The following ABCG2 variants were observed in gnomAD, a reference collection of about 807,000 sequenced individuals.
ABCG2 encodes broad substrate specificity ATP-binding cassette transporter ABCG2.
In ABCG2, 80 loss-of-function variants were observed where a neutral mutation model predicts 73.5. That is an observed-to-expected ratio of 1.09 (90% confidence interval 0.91 to 1.31). The LOEUF is 1.31. ABCG2 is among the 50% of genes most tolerant of loss of function. The probability of loss-of-function intolerance (pLI) is 0.00; values close to 1 mark genes in which losing one functional copy is unlikely to be tolerated. For synonymous variants in ABCG2, 269 were observed against 282.4 expected (o/e 0.95, Z 0.48); for missense variants, 796 against 786.2 (o/e 1.01, Z -0.15).
rs529847433 is a variant in ABCG2 at position 88,187,387 on chromosome 4, C to T, written c.-20+43607G>A. 1.4e-4 allele frequency among the ~76,000 whole-genome samples: 21 copies of T among 151,968 alleles called. No individual in the cohort carries two copies. The East Asian group carries it at 2.1e-3, about 15-fold the overall frequency. Reference sequence around the variant, plus strand: ...CAGCACTTTGGGAGGCCGAGGTGGGCGGATCTCTTGAGGTCAGGAGTTCAA... The same window carrying T: ...CAGCACTTTGGGAGGCCGAGGTGGGTGGATCTCTTGAGGTCAGGAGTTCAA... On this transcript the variant is annotated intron_variant, in intron 1 of 15. Transcript: ENST00000515655.
At chr4:88,195,088 G>T (rs1017524253) in intron 1 of ABCG2, among the ~76,000 whole-genome samples, 1 of 151,958 alleles carries the variant, frequency 6.6e-6, no homozygotes, top group African/African-American at 2.4e-5. Context: ...ATATTTTACC[G>T]CCAGGCCTGG....
Position 88,133,947 on chromosome 4 carries a change from G to A in ABCG2, c.204-1312C>T, listed in dbSNP as rs376595250. Among the ~76,000 whole-genome samples, 7 of 151,610 alleles carry A rather than the reference G, an allele frequency of 4.6e-5. No individual in the cohort carries two copies. In the East Asian group the frequency reaches 5.8e-4, roughly 13 times the overall value. On this transcript the variant is annotated intron_variant, in intron 2 of 15. Transcript: ENST00000237612. ...CAGGAGGTGGAGGTTGCAGTGAGCC[G>A]AGATCACGTCATTGTACTCCAGCCT...
chr4:88,125,943 T>C (rs1270103377), intron 5 of ABCG2, among the ~76,000 whole-genome samples: 1 of 151,890 alleles, frequency 6.6e-6, no homozygotes, highest in Non-Finnish European at 1.5e-5. Flanking sequence ...AGAGCAGAAC[T>C]GAAGGAGATA....
chr4:88,160,431 A>G (rs547177273), upstream of ABCG2, among the ~76,000 whole-genome samples: 137 of 152,326 alleles, frequency 9.0e-4, no homozygotes, highest in Non-Finnish European at 2.1e-4. Context: ...TGAAGGCACT[A>G]CAGGAGGAGA....
At position 88,118,268 on chromosome 4, in the gene ABCG2, A is replaced by G; in HGVS notation, c.690-8T>C. 6.2e-7 allele frequency: 1 copy of G among 1,613,398 alleles called. No individual in the cohort carries two copies. Among genetic ancestry groups the G allele is most frequent in the Non-Finnish European group, 8.5e-7 (1 of 1,179,520 alleles). On this transcript the variant is annotated splice_region_variant and splice_polypyrimidine_tract_variant and intron_variant, in intron 6 of 15. Transcript: ENST00000237612. The stretch of plus-strand genomic sequence containing the variant: ...CGTCCCTGCTTAGACATCCTAAGTT[A>G]AAAGTGAGACAATACTAAGTCATTA...
rs1309360818 is a variant in ABCG2, at chr4:88,115,256, C to CTCTCTCTCTCTCTCTCTCTCTCTCTCTA, written c.842-199_842-198insTAGAGAGAGAGAGAGAGAGAGAGAGAGA. ...AGTCTCTCTCTCTCTCTCTCTCTCT[C>CTCTCTCTCTCTCTCTCTCTCTCTCTCTA]TATATATATATATATATATATATAT... On this transcript the variant is annotated intron_variant, in intron 7 of 15. Coordinates refer to ENST00000237612, the MANE Select transcript of ABCG2 (RefSeq NM_004827.3). 1.5e-3 allele frequency among the ~76,000 whole-genome samples: 108 copies of CTCTCTCTCTCTCTCTCTCTCTCTCTCTA among 69,818 alleles called. 1 individual carries two copies. Among genetic ancestry groups the CTCTCTCTCTCTCTCTCTCTCTCTCTCTA allele is most frequent in the Middle Eastern group, 7.1e-3 (1 of 140 alleles). 45.8% of individuals were successfully genotyped at this position (69,818 alleles called of 152,430 possible). A position where few individuals can be genotyped will look rare whatever the true frequency, so the allele number is the denominator to read the frequency against.
chr4:88,125,936 G>A (rs904656762), intron 5 of ABCG2, among the ~76,000 whole-genome samples: 2 of 152,038 alleles, frequency 1.3e-5, no homozygotes, highest in Non-Finnish European at 2.9e-5. Flanking sequence ...TAATATCAGA[G>A]CAGAACTGAA....
intron 7 of ABCG2, among the ~76,000 whole-genome samples, 190 bp from the exon 8 acceptor site, chr4:88,115,248 C>G (rs79295167): frequency 5.1e-3 from 4 of 784 alleles, no homozygotes; most frequent in East Asian, 0.25. Context: ...CTCTCTCTCT[C>G]TCTCTCTCTA....
At chr4:88,097,696 T>C (rs1722082676) in intron 12 of ABCG2, 89 bp from the exon 13 acceptor site, 1 of 1,382,120 alleles carries the variant, frequency 7.2e-7, no homozygotes, top group Non-Finnish European at 9.8e-7. Flanking sequence ...AACACTAATA[T>C]TTTGAGAAAC....
At chr4:88,231,529 C>G (rs1730465057), upstream of ABCG2, among the ~76,000 whole-genome samples, 1 of 152,124 alleles carries the variant, frequency 6.6e-6, no homozygotes, top group Non-Finnish European at 1.5e-5. Flanking sequence ...CCAACACAAA[C>G]AGCAACTTTA....
intron 8 of ABCG2, among the ~76,000 whole-genome samples, chr4:88,113,818 G>C (rs1723324189): frequency 6.6e-6 from 1 of 151,800 alleles, no homozygotes; most frequent in Non-Finnish European, 1.5e-5. Flanking sequence ...AAAAAAATTA[G>C]CCTGGCGTGG....
At chr4:88,151,390 T>C (rs1726467103) in intron 1 of ABCG2, among the ~76,000 whole-genome samples, 1 of 152,144 alleles carries the variant, frequency 6.6e-6, no homozygotes, top group East Asian at 1.9e-4. Flanking sequence ...TACATGAAGA[T>C]CAATATCCCT....
intron 1 of ABCG2, among the ~76,000 whole-genome samples, chr4:88,217,957 CG>C (rs1199105174): frequency 1.6e-5 from 2 of 126,940 alleles, no homozygotes; most frequent in Non-Finnish European, 3.2e-5. Context: ...CAGAGTAAGA[CG>C]ATGTTTCTAA....
At chr4:88,209,580 C>T (rs1729511260) in intron 1 of ABCG2, among the ~76,000 whole-genome samples, 1 of 151,800 alleles carries the variant, frequency 6.6e-6, no homozygotes, top group African/African-American at 2.4e-5. Context: ...TCGCTTGAAC[C>T]TGGGAGCCGG....
At chr4:88,121,544 T>C in intron 6 of ABCG2, 91 bp downstream of exon 6, 1 of 1,202,624 alleles carries the variant, frequency 8.3e-7, no homozygotes. Context: ...AGAAATTACT[T>C]TGATCATTTC....
intron 1 of ABCG2, among the ~76,000 whole-genome samples, chr4:88,211,275 G>A (rs1338186342): frequency 2.0e-5 from 3 of 148,484 alleles, no homozygotes; most frequent in African/African-American, 7.4e-5. Context: ...TAAGCAGATT[G>A]CATACTGGTG....
intron 1 of ABCG2, among the ~76,000 whole-genome samples, chr4:88,226,981 G>A (rs927687116): frequency 2.6e-5 from 4 of 152,104 alleles, no homozygotes; most frequent in African/African-American, 7.2e-5. Flanking sequence ...GTGTGGTGGT[G>A]CGTGCCTGTG....
chr4:88,165,860 TG>T (rs1483482149), intron 1 of ABCG2, among the ~76,000 whole-genome samples: 3 of 150,258 alleles, frequency 2.0e-5, no homozygotes, highest in Non-Finnish European at 4.4e-5. Flanking sequence ...GGCAACAGAG[TG>T]AGACTCCATC....
At chr4:88,136,808 G>A (rs897216945) in intron 2 of ABCG2, among the ~76,000 whole-genome samples, 3 of 152,048 alleles carry the variant, frequency 2.0e-5, no homozygotes, top group Admixed American at 2.0e-4. Flanking sequence ...CTGAGGTCAG[G>A]AGTTTGAGAC....
Sources: allele counts gnomAD v4.1 joint callset (sites outside exome capture counted in the v4.1 genomes callset), GRCh38; gene constraint gnomAD v4.1.1; transcripts MANE v1.5; gene names NCBI Gene and HGNC (gene_info 2026-07-23, HGNC 2026-07-21).